The following WDR27 variants were observed in gnomAD, a reference collection of about 807,000 sequenced individuals.
The protein encoded by WDR27 is WD repeat-containing protein 27.
Under a neutral mutation model 114.4 loss-of-function variants are expected in WDR27, and 100 were observed. The observed-to-expected ratio is 0.87, with a 90% CI of 0.74 to 1.03. The LOEUF (loss-of-function observed/expected upper bound fraction) is 1.03, where lower values mean the gene tolerates loss of function less well. Among genes scored for constraint, WDR27 ranks in the 50% least tolerant of loss-of-function variants. WDR27 has a pLI of 0.00. For missense variants in WDR27, 1,129 were observed against 1,092.9 expected, an observed-to-expected ratio of 1.03 and a Z score of -0.47; for synonymous variants, 449 against 423.1, an observed-to-expected ratio of 1.06 and a Z score of -0.75.
chr6:169,586,004 G>A (rs138207653), intron 23 of WDR27, among the ~76,000 whole-genome samples: 296 of 152,232 alleles, frequency 1.9e-3, no homozygotes, highest in African/African-American at 5.9e-3. Context: ...AGAAGGATCC[G>A]TGTCGTGAAA....
At chr6:169,685,468 T>C (rs1358724563) in intron 2 of WDR27, among the ~76,000 whole-genome samples, 2 of 152,002 alleles carry the variant, frequency 1.3e-5, no homozygotes, top group Non-Finnish European at 2.9e-5. Context: ...AAACAACTCA[T>C]GATATGAATG....
intron 25 of WDR27, among the ~76,000 whole-genome samples, chr6:169,535,914 A>G (rs997368245): frequency 6.6e-6 from 1 of 152,206 alleles, no homozygotes; most frequent in Non-Finnish European, 1.5e-5. Flanking sequence ...TACCAGGGCC[A>G]ATCCACTGTT....
intron 1 of WDR27, 90 bp downstream of exon 1, chr6:169,701,461 T>A (rs1412023761): frequency 6.6e-6 from 1 of 152,270 alleles, no homozygotes; most frequent in Non-Finnish European, 1.5e-5. Context: ...GCCGGGCATT[T>A]CTACAGCCCT....
chr6:169,647,892 C>T lies in WDR27; in HGVS notation c.1560-22G>A, dbSNP rs202027781. ...CTCCCTGAGGGAAGGCCACAGGTAA[C>T]GGTGATCGGGAGACATTCACAGTGA... is the stretch of plus-strand genomic sequence containing the variant. On this transcript the variant is annotated intron_variant, in intron 15 of 25. Transcript: ENST00000448612. 2.9e-5 allele frequency: 43 copies of T among 1,503,572 alleles called. No individual in the cohort carries two copies. In the East Asian group the frequency reaches 8.1e-4, roughly 28 times the overall value. The allele number at this position is 1,503,572 out of a possible 1,614,324, so 93.1% of individuals were successfully genotyped here.
intron 25 of WDR27, among the ~76,000 whole-genome samples, chr6:169,569,121 C>A (rs950909251): frequency 3.3e-5 from 5 of 152,186 alleles, no homozygotes; most frequent in South Asian, 2.1e-4. Context: ...AAACAGCCAA[C>A]ACACAACCGT....
Position 169,578,483 on chromosome 6 carries a change from G to A in WDR27, c.2523+4353C>T, listed in dbSNP as rs78149663. Among the ~76,000 whole-genome samples, 208 of 152,166 alleles carry A rather than the reference G, an allele frequency of 1.4e-3. 4 individuals are homozygous for A. The East Asian group carries it at 0.033, about 24-fold the overall frequency. ...AACTTTAAAATAAATATTTAAATAC[G>A]AATGGCAGGAACAAGGTATTTTATC... On this transcript the variant is annotated intron_variant, in intron 24 of 25. Transcript: ENST00000448612.
At chr6:169,526,156 T>G (rs1175662488) in intron 25 of WDR27, among the ~76,000 whole-genome samples, 1 of 152,210 alleles carries the variant, frequency 6.6e-6, no homozygotes, top group African/African-American at 2.4e-5. Context: ...TAAGACCTAG[T>G]GCTGGACAGG....
intron 2 of WDR27, among the ~76,000 whole-genome samples, chr6:169,682,953 G>A (rs1021375599): frequency 1.3e-5 from 2 of 152,000 alleles, no homozygotes; most frequent in Non-Finnish European, 2.9e-5. Context: ...ATCAACCACA[G>A]AATTCAGCAA....
chr6:169,633,262 G>GC (rs1816856328), intron 20 of WDR27, among the ~76,000 whole-genome samples, 194 bp from the exon 21 acceptor site: 1 of 152,210 alleles, frequency 6.6e-6, no homozygotes, highest in African/African-American at 2.4e-5. Flanking sequence ...CCAGGTGTTG[G>GC]CAAGAGCAGG....
chr6:169,440,689 C>T, the WDR27 span, among the ~76,000 whole-genome samples: 286 of 152,118 alleles, frequency 1.9e-3, 2 homozygotes, highest in African/African-American at 6.6e-3. Context: ...GAATCATACC[C>T]GATATGAATA....
At chr6:169,624,098 A>ATCAGGTGTGCCGTGTGTGGGG (rs1814071513) in intron 21 of WDR27, among the ~76,000 whole-genome samples, 2 of 150,250 alleles carry the variant, frequency 1.3e-5, no homozygotes, top group African/African-American at 4.9e-5. Flanking sequence ...AGCATGTGGC[A>ATCAGGTGTGCCGTGTGTGGGG]TCAGGTGTGC....
chr6:169,565,556 A>G (rs1800329064), intron 25 of WDR27, among the ~76,000 whole-genome samples: 1 of 152,218 alleles, frequency 6.6e-6, no homozygotes, highest in African/African-American at 2.4e-5. Flanking sequence ...GTGTGTTCAT[A>G]ATCACACAGA....
chr6:169,477,593 C>T (rs1416649322), intron 25 of WDR27, among the ~76,000 whole-genome samples: 1 of 152,134 alleles, frequency 6.6e-6, no homozygotes, highest in African/African-American at 2.4e-5. Context: ...CATGCACTAC[C>T]ATGACCAGCT....
At chr6:169,648,813 T>C (rs1392045822) in intron 15 of WDR27, among the ~76,000 whole-genome samples, 1 of 152,218 alleles carries the variant, frequency 6.6e-6, no homozygotes, top group East Asian at 1.9e-4. Flanking sequence ...GCCAGTCCCG[T>C]GGACAGGTGC....
intron 25 of WDR27, among the ~76,000 whole-genome samples, chr6:169,512,011 G>C (rs569944996): frequency 1.3e-5 from 2 of 152,152 alleles, no homozygotes; most frequent in Non-Finnish European, 2.9e-5. Flanking sequence ...GCAGATGGCA[G>C]TGTACATCTT....
intron 1 of WDR27, among the ~76,000 whole-genome samples, chr6:169,694,604 AG>A (rs1349613569): frequency 6.6e-6 from 1 of 152,252 alleles, no homozygotes; most frequent in Non-Finnish European, 1.5e-5. Flanking sequence ...TTCATGTCTC[AG>A]AAGAGAAAGC....
intron 25 of WDR27, among the ~76,000 whole-genome samples, chr6:169,570,934 C>G (rs1317623858): frequency 6.6e-6 from 1 of 152,250 alleles, no homozygotes; most frequent in Non-Finnish European, 1.5e-5. Context: ...GCAGGAGCTG[C>G]ACCTCAGCCT....
intron 24 of WDR27, among the ~76,000 whole-genome samples, chr6:169,575,485 AT>A (rs1440890388): frequency 1.3e-5 from 2 of 151,906 alleles, no homozygotes; most frequent in African/African-American, 4.8e-5. Flanking sequence ...CATGTGTTTT[AT>A]CCTCCTACTG....
At chr6:169,535,353 T>C (rs1017400197) in intron 25 of WDR27, among the ~76,000 whole-genome samples, 2 of 152,206 alleles carry the variant, frequency 1.3e-5, no homozygotes, top group African/African-American at 4.8e-5. Context: ...CGATTTTCCC[T>C]TTCCACAGTT....
Sources: allele counts gnomAD v4.1 joint callset (sites outside exome capture counted in the v4.1 genomes callset), GRCh38; gene constraint gnomAD v4.1.1; transcripts MANE v1.5; gene names NCBI Gene and HGNC (gene_info 2026-07-23, HGNC 2026-07-21).